Variants in STOX2 observed in about 807,000 individuals in gnomAD.
The protein encoded by STOX2 is storkhead box 2.
STOX2 carries 28 observed loss-of-function variants against 60.9 expected under a neutral mutation model. The observed-to-expected ratio is 0.46, with a 90% confidence interval of 0.34 to 0.63. STOX2 has a LOEUF of 0.63. STOX2 is among the 30% of genes least tolerant of loss of function. STOX2 has a pLI of 0.01. For synonymous variants in STOX2, 472 were observed against 463.9 expected (o/e 1.02, Z -0.22); for missense variants, 1,024 against 1,187.7 (o/e 0.86, Z 2.03).
chr4:183,874,992 T>TA (rs1473387587), intron 1 of STOX2, among the ~76,000 whole-genome samples: 2 of 53,104 alleles, frequency 3.8e-5, no homozygotes, highest in African/African-American at 6.4e-5. Context: ...TATATATATA[T>TA]AAAACTTAGA....
intron 1 of STOX2, chr4:183,853,282 T>G (rs1052914994): frequency 6.6e-6 from 1 of 152,236 alleles, no homozygotes; most frequent in African/African-American, 2.4e-5. Flanking sequence ...TGACAGTGTT[T>G]GGAGACTGTG....
At chr4:183,984,338 A>G (rs752444028) in intron 1 of STOX2, among the ~76,000 whole-genome samples, 1 of 152,160 alleles carries the variant, frequency 6.6e-6, no homozygotes, top group Non-Finnish European at 1.5e-5. Context: ...TCTTGGGGGC[A>G]CTGGTTACCT....
At chr4:183,902,969 C>A (rs1335841242), upstream of STOX2, among the ~76,000 whole-genome samples, 1 of 152,192 alleles carries the variant, frequency 6.6e-6, no homozygotes, top group Non-Finnish European at 1.5e-5. Flanking sequence ...AAATGTCCAT[C>A]AACTCACCTC....
At chr4:183,829,297 A>G (rs73870909) in intron 1 of STOX2, among the ~76,000 whole-genome samples, 54 of 152,350 alleles carry the variant, frequency 3.5e-4, no homozygotes, top group African/African-American at 1.3e-3. Context: ...TCTACATTCA[A>G]CATTCTTTAA....
chr4:183,972,395 G>A (rs960039519), intron 1 of STOX2, among the ~76,000 whole-genome samples: 45 of 152,186 alleles, frequency 3.0e-4, no homozygotes, highest in Admixed American at 3.9e-4. Flanking sequence ...GGAGATCACA[G>A]AGAGGATCAA....
At chr4:183,933,410 G>GAT (rs543385939) in intron 1 of STOX2, among the ~76,000 whole-genome samples, 2,408 of 6,078 alleles carry the variant, frequency 0.4, 45 homozygotes, top group Middle Eastern at 0.56. Context: ...TTGTTGTTGA[G>GAT]ACAGTTTCAC....
At chr4:183,807,565 A>G (rs1738933714) in intron 1 of STOX2, among the ~76,000 whole-genome samples, 1 of 152,144 alleles carries the variant, frequency 6.6e-6, no homozygotes, top group Non-Finnish European at 1.5e-5. Context: ...CACCTTCTCT[A>G]GGGAACACTT....
intron 1 of STOX2, among the ~76,000 whole-genome samples, chr4:183,997,658 C>A (rs573417544): frequency 6.6e-6 from 1 of 152,204 alleles, no homozygotes; most frequent in Admixed American, 6.5e-5. Context: ...ATCCAGGGGA[C>A]AGGCCAGGAA....
chr4:183,830,829 T>C (rs1484120309), intron 1 of STOX2, among the ~76,000 whole-genome samples: 2 of 151,930 alleles, frequency 1.3e-5, no homozygotes, highest in African/African-American at 2.4e-5. Flanking sequence ...TCCACACCAA[T>C]AGGGGAAGAC....
chr4:183,801,839 A>G (rs1385790383), intron 1 of STOX2, among the ~76,000 whole-genome samples: 1 of 152,070 alleles, frequency 6.6e-6, no homozygotes, highest in East Asian at 1.9e-4. Flanking sequence ...AAGTGATTTG[A>G]TCTGTGTTAC....
chr4:183,843,401 C>A (rs1042952582), intron 1 of STOX2, among the ~76,000 whole-genome samples: 7 of 152,178 alleles, frequency 4.6e-5, no homozygotes, highest in Admixed American at 2.6e-4. Context: ...AATATTTCCA[C>A]TCAATTTTTA....
At position 183,880,111 on chromosome 4, in the gene STOX2, T is replaced by C. The variant is rs531722966; in HGVS notation, c.364+82056T>C. Among the ~76,000 whole-genome samples the C allele has an allele frequency of 2.0e-5, 3 of 152,282 alleles. No individual in the cohort carries two copies. In the South Asian group the frequency reaches 6.2e-4, roughly 32 times the overall value. Reference sequence around the variant, plus strand: ...CTCCCACCTCAGCTTCCCAAGTAGCTGGGACTACAGGCATGCACCACCATG... The same window carrying C: ...CTCCCACCTCAGCTTCCCAAGTAGCCGGGACTACAGGCATGCACCACCATG... On this transcript the variant is annotated intron_variant, in intron 1 of 2. Coordinates refer to the STOX2 transcript ENST00000513034.
chr4:183,863,750 C>A (rs755233184), intron 1 of STOX2, among the ~76,000 whole-genome samples: 3 of 152,178 alleles, frequency 2.0e-5, no homozygotes, highest in Admixed American at 6.5e-5. Flanking sequence ...AGAAAAGAGT[C>A]CATTTCTAGA....
intron 1 of STOX2, among the ~76,000 whole-genome samples, chr4:183,949,291 C>G (rs1256204846): frequency 6.6e-6 from 1 of 152,200 alleles, no homozygotes; most frequent in East Asian, 1.9e-4. Context: ...AAATCAATCA[C>G]TGTATTAATT....
In STOX2 at chr4:184,001,956, T is replaced by C. The variant is rs1733612156; in HGVS notation, c.319+479T>C. On this transcript the variant is annotated intron_variant, in intron 2 of 3. Coordinates refer to ENST00000308497, the MANE Select transcript of STOX2 (RefSeq NM_020225.3). This position sits in a 1 kb window ranked among gnomAD's most constrained non-coding sequence, Gnocchi z 4.2. ...TCATTTTAAAAAATAAAATACTTAC[T>C]TTTCTCTTAAATGTTATAAAAAGGA... 6.6e-6 allele frequency among the ~76,000 whole-genome samples: 1 copy of C among 151,692 alleles called. No individual in the cohort carries two copies. The highest frequency in any genetic ancestry group is 1.5e-5 in the Non-Finnish European group (1 of 67,900).
At chr4:184,008,637 C>T (rs1286371624) in intron 2 of STOX2, among the ~76,000 whole-genome samples, 2 of 152,208 alleles carry the variant, frequency 1.3e-5, no homozygotes, top group East Asian at 3.8e-4. Flanking sequence ...CCTTTTATAT[C>T]ATTCACAAAA....
At chr4:183,877,075 GTAAAACT>G (rs1207828157) in intron 1 of STOX2, among the ~76,000 whole-genome samples, 1 of 152,076 alleles carries the variant, frequency 6.6e-6, no homozygotes, top group Non-Finnish European at 1.5e-5. Context: ...CTATAAATCT[GTAAAACT>G]TACCCAATTT....
intron 1 of STOX2, among the ~76,000 whole-genome samples, chr4:183,803,970 AAAAG>A (rs1738826855): frequency 1.3e-5 from 2 of 152,220 alleles, no homozygotes; most frequent in Admixed American, 1.3e-4. Flanking sequence ...TGTCTCAAAA[AAAAG>A]AAAGAAAAGA....
At chr4:183,913,119 G>T (rs1279811717) in intron 1 of STOX2, among the ~76,000 whole-genome samples, 1 of 152,142 alleles carries the variant, frequency 6.6e-6, no homozygotes, top group Admixed American at 6.6e-5. Context: ...TCTTGAAGAA[G>T]TGGGTCGATT....
Sources: gnomAD v4.1 joint callset for allele counts (sites outside exome capture counted in the v4.1 genomes callset) on GRCh38, gnomAD v4.1.1 for gene constraint, Gnocchi (gnomAD v3.1) non-coding constraint, MANE v1.5 for transcripts, NCBI Gene and HGNC (gene_info 2026-07-23, HGNC 2026-07-21) for gene names.